The following ADAMTS7 variants were observed in gnomAD, a reference collection of about 807,000 sequenced individuals.
ADAMTS7 encodes ADAM metallopeptidase with thrombospondin type 1 motif 7.
In ADAMTS7, 89 loss-of-function variants were observed where a neutral mutation model predicts 172.6. That is an observed-to-expected ratio of 0.52 (90% CI 0.43 to 0.61). The LOEUF is 0.61. ADAMTS7 is among the 20% of genes least tolerant of loss of function. The probability of loss-of-function intolerance (pLI) is 0.00; values close to 1 mark genes in which losing one functional copy is unlikely to be tolerated. For missense variants in ADAMTS7, 1,973 were observed against 2,355.6 expected (o/e 0.84, Z 3.36); for synonymous variants, 885 against 978.4 (o/e 0.90, Z 1.78).
chr15:78,768,646 G>T (rs751942263), intron 16 of ADAMTS7, among the ~76,000 whole-genome samples: 3 of 152,214 alleles, frequency 2.0e-5, no homozygotes, highest in African/African-American at 7.2e-5. Flanking sequence ...GGAGGACTGC[G>T]TGTGTTCTTG....
intron 8 of ADAMTS7, among the ~76,000 whole-genome samples, chr15:78,785,164 G>A (rs1269607260): frequency 1.3e-5 from 2 of 151,960 alleles, no homozygotes; most frequent in Admixed American, 6.6e-5. Flanking sequence ...TGGGAAAACT[G>A]GATTAAAAGA....
At chr15:78,770,484 G>C (rs1168006827) in intron 16 of ADAMTS7, 3 of 128,096 alleles carry the variant, frequency 2.3e-5, no homozygotes, top group African/African-American at 9.3e-5. Context: ...GAGGAAGACC[G>C]AGGGGCGTTG....
chr15:78,793,415 A>G (rs1490490345), intron 4 of ADAMTS7, among the ~76,000 whole-genome samples: 1 of 150,588 alleles, frequency 6.6e-6, no homozygotes, highest in Non-Finnish European at 1.5e-5. Context: ...GTGCAGTTGC[A>G]TGATCTCGGC....
chr15:78,764,091 G>A lies in ADAMTS7; in HGVS notation c.4428C>T (p.Arg1476=), dbSNP rs1210398125. 1 of 1,526,606 alleles carries A rather than the reference G, an allele frequency of 6.6e-7. No individual in the cohort carries two copies. The highest frequency in any genetic ancestry group is 8.8e-7 in the Non-Finnish European group (1 of 1,133,250). 94.6% of individuals were successfully genotyped at this position (1,526,606 alleles called of 1,614,324 possible). Residue 1476 remains arginine, a synonymous_variant, in exon 21 of 24, where the codon CGC becomes CGT. Coordinates refer to ENST00000388820, the MANE Select transcript of ADAMTS7 (RefSeq NM_014272.5). ...WHSGNWSKCS[R]SCGGGSSVRD... ...GCACTGAGGAACCTCCGCCGCAGCT[G>A]CGGGAGCACTGGGGACCGAGAGACG...
intron 14 of ADAMTS7, among the ~76,000 whole-genome samples, chr15:78,772,060 T>C (rs2055260496): frequency 6.6e-6 from 1 of 152,142 alleles, no homozygotes; most frequent in Non-Finnish European, 1.5e-5. Context: ...GGACCTACAC[T>C]GGTCTCATCA....
intron 6 of ADAMTS7, 64 bp downstream of exon 6, chr15:78,790,606 T>C: frequency 1.9e-6 from 3 of 1,593,294 alleles, no homozygotes; most frequent in Non-Finnish European, 2.6e-6. Context: ...CACCAGGGCT[T>C]CTTCTGCAGG....
At chr15:78,782,274 G>A (rs916414483) in intron 8 of ADAMTS7, among the ~76,000 whole-genome samples, 2 of 151,976 alleles carry the variant, frequency 1.3e-5, no homozygotes, top group African/African-American at 4.8e-5. Context: ...CAAGGGATCC[G>A]CCTGCCTCAG....
At chr15:78,804,963 T>A (rs2055770192) in intron 1 of ADAMTS7, among the ~76,000 whole-genome samples, 1 of 152,124 alleles carries the variant, frequency 6.6e-6, no homozygotes, top group South Asian at 2.1e-4. Context: ...AGTTAGGAAA[T>A]CCCCCACTGG....
Position 78,759,239 on chromosome 15 carries a change from A to G in ADAMTS7, c.*182T>C, listed in dbSNP as rs548969394. 7.9e-6 allele frequency: 4 copies of G among 506,756 alleles called. No homozygotes were observed. In the Admixed American group the frequency reaches 1.2e-4, roughly 15 times the overall value. The allele number at this position is 506,756 out of a possible 1,614,324, so 31.4% of individuals were successfully genotyped here. On this transcript the variant is annotated 3_prime_UTR_variant, in exon 24 of 24. Coordinates refer to ENST00000388820, the MANE Select transcript of ADAMTS7 (RefSeq NM_014272.5). The stretch of plus-strand genomic sequence containing the variant: ...GGTAGATGCTCATTTATGTAAAATC[A>G]TAATAAATGTTACACAAACTGTTAG...
chr15:78,803,197 C>CA (rs113984693), intron 1 of ADAMTS7, among the ~76,000 whole-genome samples: 345 of 127,732 alleles, frequency 2.7e-3, no homozygotes, highest in South Asian at 5.0e-3. Context: ...CTTGTCACTA[C>CA]AAAAAAAAAA....
chr15:78,774,968 C>T (rs1287944123), intron 11 of ADAMTS7, among the ~76,000 whole-genome samples, 175 bp from the exon 12 acceptor site: 1 of 152,220 alleles, frequency 6.6e-6, no homozygotes, highest in African/African-American at 2.4e-5. Flanking sequence ...GACACACTCT[C>T]CCTGTTTGTA....
At position 78,800,283 on chromosome 15, in the gene ADAMTS7, C is replaced by G. The variant is rs1270065481; in HGVS notation, c.365G>C (p.Arg122Pro). The change falls in exon 2 of 24, where the codon CGG (arginine) becomes CCG (proline). Residue 122 changes from arginine (R) to proline (P), a missense_variant. By Grantham distance (103) the Arg-to-Pro change is moderately radical. Around this residue, in one of 8 missense-constraint regions of ADAMTS7, gnomAD observed 306 missense variants for 288.0 expected, o/e 1.06. Transcript: ENST00000388820. ...CAGGTGGCAGGCCGGGGTGTGGGCCCGGATGTGCGCGCGGCCCAGGCCGCC... is the reference window on the plus strand; with the variant it reads ...CAGGTGGCAGGCCGGGGTGTGGGCCGGGATGTGCGCGCGGCCCAGGCCGCC... Reference protein sequence around the residue: ...RRGGLGRAHIRAHTPACHLLG... With the variant: ...RRGGLGRAHIPAHTPACHLLG... The G allele has an allele frequency of 2.5e-6, 4 of 1,592,554 alleles. No homozygotes were observed. Among genetic ancestry groups the G allele is most frequent in the Non-Finnish European group, 3.4e-6 (4 of 1,175,418 alleles).
intron 1 of ADAMTS7, among the ~76,000 whole-genome samples, chr15:78,802,142 T>C (rs1183803050): frequency 6.6e-6 from 1 of 152,194 alleles, no homozygotes; most frequent in Non-Finnish European, 1.5e-5. Flanking sequence ...TGGCCCTTTA[T>C]ATTCTTTGTT....
chr15:78,762,713 C>G lies in ADAMTS7; in HGVS notation c.4741-148G>C, dbSNP rs953424698. 3 of 573,290 alleles carry G rather than the reference C, an allele frequency of 5.2e-6. No homozygotes were observed. The Admixed American group carries it at 1.3e-4, about 25-fold the overall frequency. 35.5% of individuals were successfully genotyped at this position (573,290 alleles called of 1,614,324 possible). On this transcript the variant is annotated intron_variant, in intron 22 of 23. Coordinates refer to ENST00000388820, the MANE Select transcript of ADAMTS7 (RefSeq NM_014272.5). ...CGCCCCCTCAGTGCCTCCTGGAGCACCTGGTCCCATTCCTAGAGCCCACTT... is the reference window on the plus strand; with the variant it reads ...CGCCCCCTCAGTGCCTCCTGGAGCAGCTGGTCCCATTCCTAGAGCCCACTT...
At chr15:78,796,531 T>C in intron 4 of ADAMTS7, 59 bp downstream of exon 4, 1 of 1,558,938 alleles carries the variant, frequency 6.4e-7, no homozygotes, top group East Asian at 2.3e-5. Flanking sequence ...GCACCCACTC[T>C]TTGCACCCCA....
At chr15:78,780,195 A>G (rs1174704170) in intron 8 of ADAMTS7, among the ~76,000 whole-genome samples, 12 of 147,400 alleles carry the variant, frequency 8.1e-5, no homozygotes, top group African/African-American at 3.0e-4. Context: ...CTGCCGACAC[A>G]CCCGGATCCC....
At chr15:78,769,867 G>T (rs1334462587) in intron 16 of ADAMTS7, among the ~76,000 whole-genome samples, 2 of 152,234 alleles carry the variant, frequency 1.3e-5, no homozygotes, top group Non-Finnish European at 2.9e-5. Flanking sequence ...TCCAATTAAA[G>T]ACACCTGTAT....
At chr15:78,801,345 T>C (rs946214217) in intron 1 of ADAMTS7, among the ~76,000 whole-genome samples, 13 of 152,196 alleles carry the variant, frequency 8.5e-5, no homozygotes, top group Admixed American at 7.2e-4. Flanking sequence ...CTGGCCTCCT[T>C]GCAGTTCCTC....
At chr15:78,809,786 TCAGGAGTCCAACCC>T (rs1471689395) in intron 1 of ADAMTS7, among the ~76,000 whole-genome samples, 1 of 152,132 alleles carries the variant, frequency 6.6e-6, no homozygotes, top group African/African-American at 2.4e-5. Flanking sequence ...TTCAGGAAGC[TCAGGAGTCCAACCC>T]CACAGGTCGC....
Sources: gnomAD v4.1 joint callset for allele counts (sites outside exome capture counted in the v4.1 genomes callset) on GRCh38, gnomAD v4.1.1 for gene constraint, gnomAD v4.1.1 regional missense constraint, MANE v1.5 for transcripts, NCBI Gene and HGNC (gene_info 2026-07-23, HGNC 2026-07-21) for gene names.